Variants in PICALM observed in about 807,000 individuals in gnomAD.
PICALM encodes the protein phosphatidylinositol binding clathrin assembly protein.
PICALM carries 40 observed loss-of-function variants against 80.5 expected under a neutral mutation model. The ratio of observed to expected loss-of-function variants is 0.50; its 90% CI spans 0.39 to 0.65. PICALM has a LOEUF of 0.65. Among genes scored for constraint, PICALM ranks in the 30% least tolerant of loss-of-function variants. The probability of loss-of-function intolerance (pLI) is 0.00; values close to 1 mark genes in which losing one functional copy is unlikely to be tolerated. For missense variants in PICALM, 676 were observed against 778.9 expected, an observed-to-expected ratio of 0.87 and a Z score of 1.57; for synonymous variants, 288 against 260.3, an observed-to-expected ratio of 1.11 and a Z score of -1.02.
chr11:85,995,001 G>GCCT, intron 12 of PICALM, among the ~76,000 whole-genome samples: 1 of 152,238 alleles, frequency 6.6e-6, no homozygotes, highest in East Asian at 1.9e-4. Flanking sequence ...ATCGCACCTG[G>GCCT]CCTTATATGA....
intron 1 of PICALM, among the ~76,000 whole-genome samples, chr11:86,051,936 T>C (rs879096007): frequency 6.6e-6 from 1 of 152,220 alleles, no homozygotes; most frequent in Non-Finnish European, 1.5e-5. Flanking sequence ...ATCTGATGAA[T>C]AGGTTTGTAT....
intron 1 of PICALM, among the ~76,000 whole-genome samples, chr11:86,038,763 C>A (rs1333790408): frequency 6.7e-6 from 1 of 148,424 alleles, no homozygotes; most frequent in African/African-American, 2.5e-5. Flanking sequence ...GGCGACAGAG[C>A]GAGACTCCAT....
At position 85,975,785 on chromosome 11, in the gene PICALM, C is replaced by T. The variant is rs553228226; in HGVS notation, c.1839+838G>A. Among the ~76,000 whole-genome samples, 16 of 151,880 alleles carry T rather than the reference C, an allele frequency of 1.1e-4. No individual in the cohort carries two copies. In the South Asian group the frequency reaches 1.7e-3, roughly 16 times the overall value. Reference sequence around the variant, plus strand: ...CTAATTTTTGTATTTTTAGTAGAGACGGAGTTTCACCATATTGGTCAGGCT... The same window carrying T: ...CTAATTTTTGTATTTTTAGTAGAGATGGAGTTTCACCATATTGGTCAGGCT... On this transcript the variant is annotated intron_variant, in intron 18 of 19. Coordinates refer to ENST00000393346, the MANE Select transcript of PICALM (RefSeq NM_007166.4).
intron 1 of PICALM, among the ~76,000 whole-genome samples, chr11:86,064,169 C>G (rs1277718347): frequency 6.6e-6 from 1 of 152,176 alleles, no homozygotes; most frequent in African/African-American, 2.4e-5. Flanking sequence ...GCAAAATATT[C>G]AAATCCTACT....
rs182414779 is a variant in PICALM, at chr11:86,000,139, A to C, written c.1154+504T>G. Among the ~76,000 whole-genome samples the C allele has an allele frequency of 2.4e-3, 373 of 152,330 alleles. 4 individuals are homozygous for C. Among genetic ancestry groups the C allele is most frequent in the Non-Finnish European group, 2.7e-3 (186 of 68,018 alleles). ...TATATTTCCATGTTAAGTAGCTTAA[A>C]TTAGACAACAAGATTATTAAAGTTA... On this transcript the variant is annotated intron_variant, in intron 11 of 19. Transcript: ENST00000393346.
intron 13 of PICALM, among the ~76,000 whole-genome samples, chr11:85,985,965 C>T (rs2094559545): frequency 6.6e-6 from 1 of 152,092 alleles, no homozygotes; most frequent in African/African-American, 2.4e-5. Flanking sequence ...TACTTCATTA[C>T]TTTCTGTAAA....
intron 2 of PICALM, among the ~76,000 whole-genome samples, chr11:86,029,620 A>G (rs1227385695): frequency 6.6e-6 from 1 of 152,220 alleles, no homozygotes; most frequent in African/African-American, 2.4e-5. Flanking sequence ...CCTTATTTAC[A>G]GCCTCTGAAA....
chr11:86,064,922 A>G (rs66494408), intron 1 of PICALM, among the ~76,000 whole-genome samples: 15,784 of 151,952 alleles, frequency 0.1, 952 homozygotes, highest in Admixed American at 0.14. Flanking sequence ...AAAAATAAAA[A>G]GTTTCTTTAA....
chr11:85,968,689 C>T (rs985618842), intron 19 of PICALM, among the ~76,000 whole-genome samples: 3 of 152,138 alleles, frequency 2.0e-5, no homozygotes, highest in Non-Finnish European at 4.4e-5. Context: ...TAAGAGAAAG[C>T]AGGAGTCCCC....
intron 1 of PICALM, among the ~76,000 whole-genome samples, chr11:86,036,726 C>G (rs1357172440): frequency 6.6e-6 from 1 of 152,038 alleles, no homozygotes; most frequent in Non-Finnish European, 1.5e-5. Context: ...AAAATAAAAG[C>G]TGTCAGGAGA....
At chr11:86,012,203 T>G in intron 6 of PICALM, 78 bp downstream of exon 6, 1 of 727,504 alleles carries the variant, frequency 1.4e-6, no homozygotes, top group Non-Finnish European at 2.2e-6. Context: ...TTAGCCAGCT[T>G]TAAGTAACAA....
intron 8 of PICALM, among the ~76,000 whole-genome samples, chr11:86,005,464 T>C (rs75341834): frequency 1.6e-3 from 243 of 152,030 alleles, no homozygotes; most frequent in African/African-American, 5.5e-3. Flanking sequence ...CTTTCGGAAG[T>C]AGATAGAGGT....
chr11:86,026,438 A>G (rs1455708622), intron 2 of PICALM, 71 bp from the exon 3 acceptor site: 6 of 850,536 alleles, frequency 7.1e-6, no homozygotes, highest in Non-Finnish European at 1.9e-6. Context: ...ATTAGGAGGA[A>G]AAGTTATGGT....
intron 19 of PICALM, among the ~76,000 whole-genome samples, chr11:85,970,645 G>A (rs2094074009): frequency 6.6e-6 from 1 of 152,130 alleles, no homozygotes. Context: ...GTGAAACCCT[G>A]TCTCTACTAA....
Position 86,000,918 on chromosome 11 carries a change from TGA to T in PICALM, c.1017+115_1017+116del, listed in dbSNP as rs1477261140. On this transcript the variant is annotated intron_variant, in intron 10 of 19. Coordinates refer to ENST00000393346, the MANE Select transcript of PICALM (RefSeq NM_007166.4). ...TCTATGTCAGGACGAAAAGTTAGAC[TGA>T]GTTTCAGCCCATTAGGTAGCTATAC... The T allele has an allele frequency of 2.8e-5, 41 of 1,476,304 alleles. No homozygotes were observed. In the African/African-American group the frequency reaches 5.2e-4, roughly 19 times the overall value. The allele number at this position is 1,476,304 out of a possible 1,614,324, so 91.5% of individuals were successfully genotyped here. A position where few individuals can be genotyped will look rare whatever the true frequency, so the allele number is the denominator to read the frequency against.
chr11:86,014,979 C>CA lies in PICALM; in HGVS notation c.453-17dup, dbSNP rs2095457075. The CA allele has an allele frequency of 3.4e-6, 5 of 1,474,866 alleles. No individual in the cohort carries two copies. Among genetic ancestry groups the CA allele is most frequent in the Non-Finnish European group, 4.7e-6 (5 of 1,072,934 alleles). The allele number at this position is 1,474,866 out of a possible 1,614,324, so 91.4% of individuals were successfully genotyped here. A position where few individuals can be genotyped will look rare whatever the true frequency, so the allele number is the denominator to read the frequency against. Reference sequence around the variant, plus strand: ...TCCATCAGCCCTGTTATGAAAAAACCAGAGAAATAAACAAATGAATCTGCA... The same window carrying CA: ...TCCATCAGCCCTGTTATGAAAAAACCAAGAGAAATAAACAAATGAATCTGCA... On this transcript the variant is annotated splice_polypyrimidine_tract_variant and intron_variant, in intron 4 of 19. Coordinates refer to ENST00000393346, the MANE Select transcript of PICALM (RefSeq NM_007166.4).
chr11:85,969,271 C>T, intron 19 of PICALM, among the ~76,000 whole-genome samples: 1 of 152,146 alleles, frequency 6.6e-6, no homozygotes, highest in Non-Finnish European at 1.5e-5. Context: ...AAAATGTTAA[C>T]TTGATATAAT....
In PICALM at chr11:86,002,185, CTT is replaced by C. The variant is rs2095163941; in HGVS notation, c.894-1029_894-1028del. ...TCGTTATTCTCTCAAATAAATGAGA[CTT>C]ATTGTTTTGACTGCTACTTCGAAAA... On this transcript the variant is annotated intron_variant, in intron 9 of 19. Coordinates refer to ENST00000393346, the MANE Select transcript of PICALM (RefSeq NM_007166.4). 4.6e-5 allele frequency among the ~76,000 whole-genome samples: 7 copies of C among 152,224 alleles called. No individual in the cohort carries two copies. The South Asian group carries it at 1.5e-3, about 32-fold the overall frequency.
intron 1 of PICALM, among the ~76,000 whole-genome samples, chr11:86,037,249 A>G (rs1479378978): frequency 2.2e-5 from 3 of 136,814 alleles, no homozygotes; most frequent in Non-Finnish European, 3.1e-5. Context: ...CCAGCCAAAA[A>G]AAAAAGAAAA....
Sources: allele counts gnomAD v4.1 joint callset (sites outside exome capture counted in the v4.1 genomes callset), GRCh38; gene constraint gnomAD v4.1.1; transcripts MANE v1.5; gene names NCBI Gene and HGNC (gene_info 2026-07-23, HGNC 2026-07-21).